SPATA17: variants seen among roughly 807,000 people sequenced by gnomAD.
SPATA17 encodes spermatogenesis-associated protein 17.
Under a neutral mutation model 62.2 loss-of-function variants are expected in SPATA17, and 53 were observed. The ratio of observed to expected loss-of-function variants is 0.85; its 90% CI spans 0.68 to 1.07. The LOEUF is 1.07. Among genes scored for constraint, SPATA17 ranks in the 50% least tolerant of loss-of-function variants. SPATA17 has a pLI of 0.00. For synonymous variants in SPATA17, 146 were observed against 146.8 expected, an observed-to-expected ratio of 0.99 and a Z score of 0.04; for missense variants, 466 against 425.5, an observed-to-expected ratio of 1.10 and a Z score of -0.84.
intron 4 of SPATA17, among the ~76,000 whole-genome samples, chr1:217,671,480 A>G (rs1401136338): frequency 6.6e-6 from 1 of 152,184 alleles, no homozygotes; most frequent in Non-Finnish European, 1.5e-5. Context: ...CTCCCTATGC[A>G]GTAGTCTGCC....
At chr1:217,634,518 T>A (rs1669894370) in intron 1 of SPATA17, among the ~76,000 whole-genome samples, 2 of 152,100 alleles carry the variant, frequency 1.3e-5, no homozygotes, top group Admixed American at 6.6e-5. Context: ...ATCTGCAAAA[T>A]ATCTCTAGCA....
intron 9 of SPATA17, among the ~76,000 whole-genome samples, chr1:217,856,488 A>T (rs1675787573): frequency 2.0e-5 from 3 of 152,228 alleles, no homozygotes; most frequent in African/African-American, 4.8e-5. Flanking sequence ...GAAAGTTTTC[A>T]CATGACCCCT....
chr1:217,774,359 T>G lies in SPATA17; in HGVS notation c.545T>G (p.Phe182Cys). ...KQIPGIYNSP[F>C]RKEPDPWELQ... ...ATTCCAGGAATATACAATTCACCCTTCAGAAAAGAGCCTGATCCATGGGAG... is the reference window on the plus strand; with the variant it reads ...ATTCCAGGAATATACAATTCACCCTGCAGAAAAGAGCCTGATCCATGGGAG... The change falls in exon 7 of 11, where the codon TTC becomes TGC. Residue 182 changes from phenylalanine (F) to cysteine (C), a missense_variant. Physicochemically the swap from Phe to Cys is radical, Grantham distance 205. Transcript: ENST00000366933. The G allele has an allele frequency of 6.2e-7, 1 of 1,613,936 alleles. No individual in the cohort carries two copies. The highest frequency in any genetic ancestry group is 1.3e-5 in the African/African-American group (1 of 75,044).
intron 5 of SPATA17, among the ~76,000 whole-genome samples, chr1:217,729,408 T>C (rs969278291): frequency 9.9e-5 from 15 of 152,212 alleles, no homozygotes; most frequent in Non-Finnish European, 1.8e-4. Flanking sequence ...GTAAACCTCA[T>C]TTTAAAAACA....
chr1:217,744,462 CAAAAAAAA>C lies in SPATA17; in HGVS notation c.519+2380_519+2387del, dbSNP rs766645844. Among the ~76,000 whole-genome samples, 6 of 30,598 alleles carry C rather than the reference CAAAAAAAA, an allele frequency of 2.0e-4. 2 individuals carry two copies. The highest frequency in any genetic ancestry group is 4.0e-4 in the Admixed American group (1 of 2,480). 20.1% of individuals were successfully genotyped at this position (30,598 alleles called of 152,430 possible). A position where few individuals can be genotyped will look rare whatever the true frequency, so the allele number is the denominator to read the frequency against. On this transcript the variant is annotated intron_variant, in intron 6 of 10. Transcript: ENST00000366933. Reference sequence around the variant, plus strand: ...TGGGCGACAGAGCGAGACTCCGTCTCAAAAAAAAAAAAAAAAAAAAAAAGAATTTTCAC... The same window carrying C: ...TGGGCGACAGAGCGAGACTCCGTCTCAAAAAAAAAAAAAAAGAATTTTCAC...
rs1469592244 is a variant in SPATA17 at position 217,870,338 on chromosome 1, A to G, written c.*3319A>G. 1.3e-5 allele frequency: 2 copies of G among 152,190 alleles called. No individual in the cohort carries two copies. Among genetic ancestry groups the G allele is most frequent in the African/African-American group, 4.8e-5 (2 of 41,452 alleles). 9.4% of individuals were successfully genotyped at this position (152,190 alleles called of 1,614,324 possible). A position where few individuals can be genotyped will look rare whatever the true frequency, so the allele number is the denominator to read the frequency against. On this transcript the variant is annotated 3_prime_UTR_variant, in exon 11 of 11. Transcript: ENST00000366933. ...GCTTAAGGCTCTTTATCGCTAGTGT[A>G]TGTAAGTAATATCATTGTCCTTAAC... is the stretch of plus-strand genomic sequence containing the variant.
rs137943777 is a variant in SPATA17 at position 217,827,035 on chromosome 1, G to C, written c.1005+25185G>C. ...CTACTGGTATATTTTGATTACTTAT[G>C]TTATAGTGATATTCTAAATCTCTAA... On this transcript the variant is annotated intron_variant, in intron 9 of 10. Transcript: ENST00000366933. 7.1e-3 allele frequency among the ~76,000 whole-genome samples: 1,076 copies of C among 151,860 alleles called. 16 individuals carry two copies. The highest frequency in any genetic ancestry group is 0.025 in the African/African-American group (1,020 of 41,424).
chr1:217,822,781 T>G (rs1178929469), intron 9 of SPATA17, among the ~76,000 whole-genome samples: 1 of 133,524 alleles, frequency 7.5e-6, no homozygotes, highest in East Asian at 2.0e-4. Context: ...GGTTTCTGTT[T>G]TCTATTTTTT....
intron 6 of SPATA17, among the ~76,000 whole-genome samples, chr1:217,748,042 G>A (rs1022837560): frequency 2.6e-5 from 4 of 152,066 alleles, no homozygotes; most frequent in East Asian, 3.9e-4. Flanking sequence ...GGTGGCTCAC[G>A]CCTGTAATTC....
rs979593087 is a variant in SPATA17, at chr1:217,801,841, C to A, written c.996C>A (p.Ile332=). 4 of 1,606,728 alleles carry A rather than the reference C, an allele frequency of 2.5e-6. No homozygotes were observed. Among genetic ancestry groups the A allele is most frequent in the Non-Finnish European group, 3.4e-6 (4 of 1,177,958 alleles). ...GAAGTGAAAATCCTAAGAAATGGAT[C>A]TGTGACAAGGTGAGTTAACAAAACA... ...QFRSENPKKW[I]CDKDFQTVLP... Residue 332 remains isoleucine (I), a synonymous_variant, in exon 9 of 11, where the codon ATC becomes ATA. Coordinates refer to ENST00000366933, the MANE Select transcript of SPATA17 (RefSeq NM_138796.4).
intron 5 of SPATA17, among the ~76,000 whole-genome samples, chr1:217,730,647 G>A (rs1345232448): frequency 1.3e-5 from 2 of 152,120 alleles, no homozygotes; most frequent in Non-Finnish European, 2.9e-5. Context: ...TTACTCATTT[G>A]AAAGTAAAAG....
intron 9 of SPATA17, among the ~76,000 whole-genome samples, chr1:217,855,864 C>T (rs1269335566): frequency 6.6e-6 from 1 of 151,094 alleles, no homozygotes; most frequent in Non-Finnish European, 1.5e-5. Context: ...GTAACTGAGA[C>T]TACAGGTGCG....
At chr1:217,837,838 G>A (rs1006019554) in intron 9 of SPATA17, among the ~76,000 whole-genome samples, 11 of 152,172 alleles carry the variant, frequency 7.2e-5, no homozygotes, top group South Asian at 6.2e-4. Context: ...ATGTAACTCC[G>A]TAGAATTCCA....
At chr1:217,736,551 A>C (rs1164549343) in intron 5 of SPATA17, among the ~76,000 whole-genome samples, 1 of 115,928 alleles carries the variant, frequency 8.6e-6, no homozygotes, top group Non-Finnish European at 2.2e-5. Context: ...AAGTAAATAC[A>C]ATTTAAGTGA....
At chr1:217,711,254 A>C (rs1213243098) in intron 5 of SPATA17, among the ~76,000 whole-genome samples, 1 of 152,224 alleles carries the variant, frequency 6.6e-6, no homozygotes, top group African/African-American at 2.4e-5. Context: ...TAATAAACAT[A>C]GTACCTTAAT....
intron 6 of SPATA17, among the ~76,000 whole-genome samples, chr1:217,759,048 G>A (rs920879443): frequency 2.6e-5 from 4 of 152,188 alleles, no homozygotes; most frequent in Admixed American, 1.3e-4. Context: ...CCAGGAACAT[G>A]CAGTAAAAAG....
intron 5 of SPATA17, among the ~76,000 whole-genome samples, chr1:217,712,113 G>T (rs1671880533): frequency 7.0e-6 from 1 of 143,540 alleles, no homozygotes; most frequent in African/African-American, 2.6e-5. Context: ...GGACCCTTAA[G>T]TTCTACAATA....
chr1:217,683,142 C>A, intron 4 of SPATA17, 116 bp from the exon 5 acceptor site: 1 of 602,704 alleles, frequency 1.7e-6, no homozygotes, highest in Admixed American at 3.1e-5. Context: ...AGTGGAAAAG[C>A]CCAAGACTTT....
intron 8 of SPATA17, among the ~76,000 whole-genome samples, chr1:217,793,221 G>GTTTTTTT (rs1161172000): frequency 2.4e-5 from 3 of 127,160 alleles, no homozygotes; most frequent in Non-Finnish European, 3.2e-5. Flanking sequence ...AGTGGTTTTT[G>GTTTTTTT]TTTTTTTTTT....
Sources: gnomAD v4.1 joint callset for allele counts (sites outside exome capture counted in the v4.1 genomes callset) on GRCh38, gnomAD v4.1.1 for gene constraint, MANE v1.5 for transcripts, NCBI Gene and HGNC (gene_info 2026-07-23, HGNC 2026-07-21) for gene names.